Variants in CSMD1 observed in about 807,000 individuals in gnomAD.
CSMD1 encodes CUB and sushi domain-containing protein 1.
CSMD1 carries 213 observed loss-of-function variants against 417.5 expected under a neutral mutation model. The ratio of observed to expected loss-of-function variants is 0.51; its 90% CI spans 0.46 to 0.57. The LOEUF (loss-of-function observed/expected upper bound fraction) is 0.57. Among genes scored for constraint, CSMD1 ranks in the 20% least tolerant of loss-of-function variants. CSMD1 has a pLI of 0.00. For synonymous variants in CSMD1, 2,862 were observed against 1,736.8 expected, an observed-to-expected ratio of 1.65 and a Z score of -16.11; for missense variants, 6,923 against 4,529.7, an observed-to-expected ratio of 1.53 and a Z score of -15.17.
intron 5 of CSMD1, among the ~76,000 whole-genome samples, chr8:3,917,762 C>T (rs1441340454): frequency 1.3e-5 from 2 of 152,096 alleles, no homozygotes. Flanking sequence ...AAATCTACCA[C>T]CTGCCAAAGA....
chr8:3,533,322 G>A (rs900029084), intron 10 of CSMD1, among the ~76,000 whole-genome samples: 1 of 152,122 alleles, frequency 6.6e-6, no homozygotes, highest in Non-Finnish European at 1.5e-5. Context: ...AACCGAGATT[G>A]TACAGCAGAT....
chr8:4,239,836 T>A (rs1400100864), intron 3 of CSMD1, among the ~76,000 whole-genome samples: 1 of 152,222 alleles, frequency 6.6e-6, no homozygotes, highest in Non-Finnish European at 1.5e-5. Context: ...CCTGAATGTG[T>A]CTACACTATT....
intron 2 of CSMD1, among the ~76,000 whole-genome samples, chr8:4,608,318 A>T (rs1800990547): frequency 6.6e-6 from 1 of 152,190 alleles, no homozygotes; most frequent in Admixed American, 6.5e-5. Flanking sequence ...GAGATGGGTG[A>T]GGAGGCAACT....
rs1436880437 is a variant in CSMD1 at position 3,682,403 on chromosome 8, A to G, written c.1009+26011T>C. 2.6e-5 allele frequency among the ~76,000 whole-genome samples: 4 copies of G among 152,360 alleles called. No individual in the cohort carries two copies. In the East Asian group the frequency reaches 7.7e-4, roughly 29 times the overall value. On this transcript the variant is annotated intron_variant, in intron 7 of 69. Transcript: ENST00000635120. Reference sequence around the variant, plus strand: ...GAAGGACATGAACAGACACTTCTCAAAAGATGACCTTTATGCAGCCAACAG... The same window carrying G: ...GAAGGACATGAACAGACACTTCTCAGAAGATGACCTTTATGCAGCCAACAG...
intron 1 of CSMD1, among the ~76,000 whole-genome samples, chr8:4,866,212 T>C (rs929943050): frequency 6.6e-6 from 1 of 151,964 alleles, no homozygotes; most frequent in Non-Finnish European, 1.5e-5. Context: ...AAAAGCTTTC[T>C]ATAAAAACTT....
chr8:4,023,712 G>T (rs568134003), intron 4 of CSMD1, among the ~76,000 whole-genome samples: 193 of 144,180 alleles, frequency 1.3e-3, no homozygotes, highest in Non-Finnish European at 2.5e-3. Context: ...TCAGCCTCCC[G>T]AGTAGCTGGG....
intron 7 of CSMD1, among the ~76,000 whole-genome samples, chr8:3,672,478 T>A (rs1178223121): frequency 1.3e-5 from 2 of 152,160 alleles, no homozygotes; most frequent in Non-Finnish European, 2.9e-5. Flanking sequence ...CACGTGTAGG[T>A]CTGCTGCTAT....
intron 5 of CSMD1, among the ~76,000 whole-genome samples, chr8:3,778,088 C>G (rs900484199): frequency 2.6e-5 from 4 of 152,228 alleles, no homozygotes; most frequent in Admixed American, 2.6e-4. Flanking sequence ...AGTTTGAGAG[C>G]TGCTGGCCCA....
In CSMD1 at chr8:4,041,021, T is replaced by TC. The variant is rs1336006478; in HGVS notation, c.416-8923_416-8922insG. 2.3e-3 allele frequency among the ~76,000 whole-genome samples: 308 copies of TC among 136,502 alleles called. 2 individuals carry two copies. The highest frequency in any genetic ancestry group is 5.5e-3 in the Admixed American group (74 of 13,418). The allele number at this position is 136,502 out of a possible 152,430, so 89.6% of individuals were successfully genotyped here. ...TTTTCTTTCTTTTTTTTTTTCCTTT[T>TC]TTTTTTTTTTTTTGAGACGGAGTCT... On this transcript the variant is annotated intron_variant, in intron 3 of 69. Coordinates refer to ENST00000635120, the MANE Select transcript of CSMD1 (RefSeq NM_033225.6).
At chr8:3,963,576 C>A (rs1372331070) in intron 5 of CSMD1, among the ~76,000 whole-genome samples, 1 of 151,962 alleles carries the variant, frequency 6.6e-6, no homozygotes, top group Non-Finnish European at 1.5e-5. Context: ...ATATTAAAAT[C>A]TACTAAGTAA....
At chr8:3,707,685 G>A (rs1801249827) in intron 7 of CSMD1, among the ~76,000 whole-genome samples, 1 of 151,996 alleles carries the variant, frequency 6.6e-6, no homozygotes, top group Admixed American at 6.6e-5. Flanking sequence ...AGAGAAAGAA[G>A]GGTCTGCATA....
chr8:4,461,819 C>A (rs1427700959), intron 2 of CSMD1, among the ~76,000 whole-genome samples: 1 of 149,804 alleles, frequency 6.7e-6, no homozygotes, highest in Non-Finnish European at 1.5e-5. Context: ...CAGCTCACTG[C>A]AAGCTCCACC....
intron 3 of CSMD1, among the ~76,000 whole-genome samples, chr8:4,036,857 C>T (rs1006297962): frequency 2.0e-5 from 3 of 152,186 alleles, no homozygotes; most frequent in African/African-American, 7.2e-5. Flanking sequence ...ACCATCTCTG[C>T]ATGAGGTATG....
chr8:4,684,452 G>C (rs1295906427), intron 1 of CSMD1, among the ~76,000 whole-genome samples: 3 of 151,978 alleles, frequency 2.0e-5, no homozygotes, highest in Admixed American at 6.6e-5. Context: ...TAATTTTTTG[G>C]TTTGTTTTGA....
intron 11 of CSMD1, among the ~76,000 whole-genome samples, chr8:3,470,642 G>C (rs569566846): frequency 2.6e-5 from 4 of 151,806 alleles, no homozygotes; most frequent in South Asian, 2.1e-4. Context: ...AAATTCTCTG[G>C]TGCTCTTCCC....
chr8:3,617,547 A>G (rs921892318), intron 7 of CSMD1, among the ~76,000 whole-genome samples: 2 of 152,186 alleles, frequency 1.3e-5, no homozygotes, highest in African/African-American at 4.8e-5. Flanking sequence ...GGGGAAGTCC[A>G]CAGGAGTACT....
At chr8:4,766,900 G>C (rs1563332283) in intron 1 of CSMD1, among the ~76,000 whole-genome samples, 1 of 152,108 alleles carries the variant, frequency 6.6e-6, no homozygotes, top group African/African-American at 2.4e-5. Flanking sequence ...ATTTTCCGCA[G>C]GGCTTGAAGA....
intron 1 of CSMD1, among the ~76,000 whole-genome samples, chr8:4,910,451 G>A (rs528014041): frequency 3.9e-5 from 6 of 152,264 alleles, no homozygotes; most frequent in South Asian, 4.1e-4. Flanking sequence ...CAAGTTATTA[G>A]CGGGTTTGTC....
intron 1 of CSMD1, among the ~76,000 whole-genome samples, chr8:4,764,773 T>G (rs1812332466): frequency 6.8e-6 from 1 of 148,050 alleles, no homozygotes; most frequent in Non-Finnish European, 1.5e-5. Context: ...CTCTGGAGGC[T>G]GCGGCAGGAG....
Sources: gnomAD v4.1 joint callset for allele counts (sites outside exome capture counted in the v4.1 genomes callset) on GRCh38, gnomAD v4.1.1 for gene constraint, MANE v1.5 for transcripts, NCBI Gene and HGNC (gene_info 2026-07-23, HGNC 2026-07-21) for gene names.